Variants in HECW2 observed in about 807,000 individuals in gnomAD.
The protein encoded by HECW2 is E3 ubiquitin-protein ligase HECW2.
Under a neutral mutation model 175.2 loss-of-function variants are expected in HECW2, and 61 were observed. The observed-to-expected ratio is 0.35, with a 90% CI of 0.28 to 0.43. The LOEUF (loss-of-function observed/expected upper bound fraction) is 0.43, where lower values mean the gene tolerates loss of function less well. Among genes scored for constraint, HECW2 ranks in the 20% least tolerant of loss-of-function variants. The pLI, the probability that HECW2 is intolerant of heterozygous loss-of-function variation, is 1.00. For synonymous variants in HECW2, 671 were observed against 731.0 expected, an observed-to-expected ratio of 0.92 and a Z score of 1.32; for missense variants, 1,524 against 2,000.5, an observed-to-expected ratio of 0.76 and a Z score of 4.54.
chr2:196,488,408 C>A, intron 1 of HECW2, among the ~76,000 whole-genome samples: 1 of 152,158 alleles, frequency 6.6e-6, no homozygotes. Flanking sequence ...GCAATTCTTT[C>A]TCTTTCTTCT....
chr2:196,572,443 A>C (rs970184464), intron 1 of HECW2, among the ~76,000 whole-genome samples: 2 of 152,156 alleles, frequency 1.3e-5, no homozygotes, highest in Non-Finnish European at 1.5e-5. Flanking sequence ...TCAGCCTCCC[A>C]AAGTGCTAGG....
intron 1 of HECW2, among the ~76,000 whole-genome samples, chr2:196,547,170 T>C (rs764210049): frequency 6.6e-6 from 1 of 152,244 alleles, no homozygotes; most frequent in Non-Finnish European, 1.5e-5. Context: ...AATGGGTTTT[T>C]ACTGTTAAAA....
At chr2:196,325,260 T>C in intron 5 of HECW2, 111 bp from the exon 6 acceptor site, 1 of 735,086 alleles carries the variant, frequency 1.4e-6, no homozygotes, top group Non-Finnish European at 2.2e-6. Flanking sequence ...GATTCATATG[T>C]CCTGATTAGA....
At chr2:196,391,377 T>A (rs1270354700) in intron 2 of HECW2, among the ~76,000 whole-genome samples, 1 of 152,138 alleles carries the variant, frequency 6.6e-6, no homozygotes, top group African/African-American at 2.4e-5. Flanking sequence ...ACACAAATGA[T>A]CTAAGTTGAG....
intron 14 of HECW2, chr2:196,289,996 T>G (rs1034294619): frequency 6.6e-6 from 1 of 152,228 alleles, no homozygotes; most frequent in Non-Finnish European, 1.5e-5. Flanking sequence ...AAAGTCTTAA[T>G]GCATGACAGA....
intron 1 of HECW2, among the ~76,000 whole-genome samples, chr2:196,486,675 T>C (rs1236500585): frequency 6.6e-6 from 1 of 152,170 alleles, no homozygotes; most frequent in Non-Finnish European, 1.5e-5. Context: ...GGACTATTTT[T>C]AGAGAGGTTT....
Position 196,243,171 on chromosome 2 carries a change from C to CTT in HECW2, c.3530-969_3530-968dup, listed in dbSNP as rs57767817. Among the ~76,000 whole-genome samples, 595 of 142,326 alleles carry CTT rather than the reference C, an allele frequency of 4.2e-3. 21 individuals carry two copies. Among genetic ancestry groups the CTT allele is most frequent in the East Asian group, 9.7e-3 (47 of 4,864 alleles). 93.4% of individuals were successfully genotyped at this position (142,326 alleles called of 152,430 possible). On this transcript the variant is annotated intron_variant, in intron 19 of 28. Transcript: ENST00000644978. Reference sequence around the variant, plus strand: ...AAATAATATTAATATTTATTGGATTCTTTTTTTTTTTTTGAGACGGAGTTT... The same window carrying CTT: ...AAATAATATTAATATTTATTGGATTCTTTTTTTTTTTTTTTGAGACGGAGTTT...
Position 196,197,798 on chromosome 2 carries a change from T to C in HECW2, c.*3479A>G, listed in dbSNP as rs1483945403. On this transcript the variant is annotated 3_prime_UTR_variant, in exon 29 of 29. Transcript: ENST00000644978. ...CACAACCCAGATGGAACATGATGCT[T>C]GTACCCTACAAAGTGCGTGAGGAGC... The C allele has an allele frequency of 1.3e-5, 2 of 152,194 alleles. No homozygotes were observed. Among genetic ancestry groups the C allele is most frequent in the African/African-American group, 4.8e-5 (2 of 41,448 alleles). 9.4% of individuals were successfully genotyped at this position (152,194 alleles called of 1,614,324 possible).
chr2:196,479,085 G>A (rs1686758352), intron 1 of HECW2, among the ~76,000 whole-genome samples: 1 of 152,148 alleles, frequency 6.6e-6, no homozygotes, highest in Non-Finnish European at 1.5e-5. Flanking sequence ...CAATGTAATG[G>A]ATAAAGAAGA....
At chr2:196,235,223 T>A (rs2105862678) in intron 21 of HECW2, among the ~76,000 whole-genome samples, 1 of 151,528 alleles carries the variant, frequency 6.6e-6, no homozygotes, top group South Asian at 2.1e-4. Context: ...TCAGCCACCC[T>A]AGAAGCTGGG....
chr2:196,520,338 A>C (rs1269583570), intron 1 of HECW2, among the ~76,000 whole-genome samples: 2 of 151,930 alleles, frequency 1.3e-5, no homozygotes, highest in Admixed American at 1.3e-4. Flanking sequence ...CTTGATTCTT[A>C]AAGACCCTAC....
chr2:196,506,508 C>T (rs1042056160), intron 1 of HECW2, among the ~76,000 whole-genome samples: 1 of 152,004 alleles, frequency 6.6e-6, no homozygotes, highest in African/African-American at 2.4e-5. Context: ...TCTTCCCACC[C>T]CTGCCCCTTT....
chr2:196,406,776 T>C (rs1234035503), intron 2 of HECW2, among the ~76,000 whole-genome samples: 2 of 152,238 alleles, frequency 1.3e-5, no homozygotes, highest in South Asian at 2.1e-4. Flanking sequence ...CTGCCTAGAA[T>C]GCTCCTACCT....
At chr2:196,341,774 G>A (rs1039921678) in intron 3 of HECW2, among the ~76,000 whole-genome samples, 1 of 152,192 alleles carries the variant, frequency 6.6e-6, no homozygotes, top group Non-Finnish European at 1.5e-5. Context: ...TTCTTATGGG[G>A]CAGAAGCAGG....
At chr2:196,516,629 A>T (rs766519655) in intron 1 of HECW2, among the ~76,000 whole-genome samples, 2 of 152,224 alleles carry the variant, frequency 1.3e-5, no homozygotes, top group African/African-American at 2.4e-5. Context: ...TTAATAAAAG[A>T]AACATTAGTC....
At chr2:196,349,167 T>A (rs1693076672) in intron 2 of HECW2, among the ~76,000 whole-genome samples, 1 of 152,204 alleles carries the variant, frequency 6.6e-6, no homozygotes, top group Non-Finnish European at 1.5e-5. Flanking sequence ...TCAGCTTCCA[T>A]GAGGCATATT....
intron 2 of HECW2, chr2:196,361,863 A>G (rs1205946379): frequency 3.1e-5 from 31 of 985,282 alleles, no homozygotes; most frequent in Non-Finnish European, 3.5e-5. Flanking sequence ...AGACTTAGGC[A>G]GCAGCAAGAA....
intron 1 of HECW2, among the ~76,000 whole-genome samples, chr2:196,559,999 A>G (rs978746333): frequency 1.3e-5 from 2 of 152,190 alleles, no homozygotes; most frequent in Non-Finnish European, 2.9e-5. Context: ...GGACGGTCCC[A>G]TGAAAATGAT....
intron 1 of HECW2, among the ~76,000 whole-genome samples, chr2:196,450,931 T>G (rs76099299): frequency 0.011 from 1,658 of 152,270 alleles, 33 homozygotes; most frequent in African/African-American, 0.037. Context: ...ATATCCAAAT[T>G]TGTTAAACAA....
Sources: allele counts gnomAD v4.1 joint callset (sites outside exome capture counted in the v4.1 genomes callset), GRCh38; gene constraint gnomAD v4.1.1; transcripts MANE v1.5; gene names NCBI Gene and HGNC (gene_info 2026-07-23, HGNC 2026-07-21).